STAT3: variants seen among roughly 807,000 people sequenced by gnomAD.
STAT3 encodes the protein DNA-binding protein APRF.
In STAT3, 7 loss-of-function variants were observed where a neutral mutation model predicts 114.3. The ratio of observed to expected loss-of-function variants is 0.06; its 90% confidence interval spans 0.03 to 0.11. The LOEUF is 0.11. STAT3 is among the 10% of genes least tolerant of loss of function. The pLI, the probability that STAT3 is intolerant of heterozygous loss-of-function variation, is 1.00. For missense variants in STAT3, 364 were observed against 960.9 expected, an observed-to-expected ratio of 0.38 and a Z score of 8.21; for synonymous variants, 331 against 354.5, an observed-to-expected ratio of 0.93 and a Z score of 0.74.
rs749830751 is a variant in STAT3 at position 42,323,631 on chromosome 17, G to T, written c.1601-6C>A. 6.3e-7 allele frequency: 1 copy of T among 1,588,840 alleles called. No homozygotes were observed. The highest frequency in any genetic ancestry group is 1.7e-5 in the Admixed American group (1 of 59,370). ...TGAATAATTCACACCAGGTCCTGAA[G>T]GAAAGAAAAAGAGTCAAGTAGTACA... On this transcript the variant is annotated splice_polypyrimidine_tract_variant and splice_region_variant and intron_variant, in intron 17 of 23. Transcript: ENST00000264657.
chr17:42,345,404 T>TC, intron 4 of STAT3, 155 bp downstream of exon 4: 1 of 650,464 alleles, frequency 1.5e-6, no homozygotes, highest in Non-Finnish European at 2.5e-6. Context: ...TGGAACTTTC[T>TC]TTTTTTTTAG....
intron 1 of STAT3, among the ~76,000 whole-genome samples, chr17:42,382,136 A>G (rs1346491765): frequency 1.3e-5 from 2 of 152,132 alleles, no homozygotes; most frequent in East Asian, 1.9e-4. Context: ...AAGAATTCCT[A>G]TTCATCCTAT....
intron 4 of STAT3, among the ~76,000 whole-genome samples, chr17:42,344,700 CAG>C (rs1044681517): frequency 6.9e-6 from 1 of 145,582 alleles, no homozygotes; most frequent in African/African-American, 2.6e-5. Context: ...GCCTGGACGA[CAG>C]AGAGAGACTC....
intron 1 of STAT3, among the ~76,000 whole-genome samples, chr17:42,371,796 A>G (rs2084160706): frequency 6.6e-6 from 1 of 151,974 alleles, no homozygotes; most frequent in Non-Finnish European, 1.5e-5. Flanking sequence ...AGCCTGGGTA[A>G]CACAGTGAAA....
chr17:42,330,833 T>C (rs2081981331), intron 11 of STAT3, among the ~76,000 whole-genome samples: 1 of 152,030 alleles, frequency 6.6e-6, no homozygotes, highest in South Asian at 2.1e-4. Flanking sequence ...TGTGGAACAA[T>C]TAAAAAAAAG....
In STAT3 at chr17:42,346,730, T is replaced by G; in HGVS notation, c.129-17A>C. 6.2e-7 allele frequency: 1 copy of G among 1,613,926 alleles called. No individual in the cohort carries two copies. On this transcript the variant is annotated splice_polypyrimidine_tract_variant and intron_variant, in intron 2 of 23. Coordinates refer to ENST00000264657, the MANE Select transcript of STAT3 (RefSeq NM_139276.3). Reference sequence around the variant, plus strand: ...GCATATGCCCTAGGAAAAGGAAGAATGATAAAGAATGGCTCTGAAGCCGAC... The same window carrying G: ...GCATATGCCCTAGGAAAAGGAAGAAGGATAAAGAATGGCTCTGAAGCCGAC...
chr17:42,349,883 C>G (rs1777137001), intron 1 of STAT3, among the ~76,000 whole-genome samples: 2 of 152,090 alleles, frequency 1.3e-5, no homozygotes, highest in South Asian at 4.1e-4. Context: ...TTGGAGAAAC[C>G]CTGTCTCTAC....
chr17:42,363,972 T>C (rs1196165597), intron 1 of STAT3, among the ~76,000 whole-genome samples: 1 of 152,136 alleles, frequency 6.6e-6, no homozygotes, highest in Non-Finnish European at 1.5e-5. Flanking sequence ...ACGGTACATA[T>C]ATAAGCATCT....
At chr17:42,318,852 A>G (rs911576518) in intron 21 of STAT3, among the ~76,000 whole-genome samples, 1 of 152,230 alleles carries the variant, frequency 6.6e-6, no homozygotes, top group African/African-American at 2.4e-5. Context: ...GGAGCTACTG[A>G]GGCAAGACTC....
Position 42,316,819 on chromosome 17 carries a change from C to T in STAT3, c.2227G>A (p.Gly743Ser). Residue 743 changes from glycine to serine, a missense_variant, in exon 23 of 24, where the codon GGT becomes AGT. By Grantham distance (56) the Gly-to-Ser change is moderately conservative. Transcript: ENST00000264657. ...TGCCCTCCTGCTGAGGGTTCAGCAC[C>T]TTCACCATTATTTCCAAACTGCATC... Reference protein sequence around the residue: ...SLMQFGNNGEGAEPSAGGQFE... With the variant: ...SLMQFGNNGESAEPSAGGQFE... The T allele has an allele frequency of 6.2e-7, 1 of 1,613,942 alleles. No individual in the cohort carries two copies. The highest frequency in any genetic ancestry group is 1.1e-5 in the South Asian group (1 of 91,040).
Position 42,313,659 on chromosome 17 carries a change from T to C in STAT3, c.*2086A>G, listed in dbSNP as rs1048908764. 4.3e-6 allele frequency: 1 copy of C among 231,982 alleles called. No individual in the cohort carries two copies. Among genetic ancestry groups the C allele is most frequent in the African/African-American group, 2.2e-5 (1 of 45,178 alleles). The allele number at this position is 231,982 out of a possible 1,614,324, so 14.4% of individuals were successfully genotyped here. The stretch of plus-strand genomic sequence containing the variant: ...TGCTACAATCAGAGTTAAGACCAGA[T>C]ACATGCTACCTAAGGCCATGAACTT... On this transcript the variant is annotated 3_prime_UTR_variant, in exon 24 of 24. Coordinates refer to ENST00000264657, the MANE Select transcript of STAT3 (RefSeq NM_139276.3).
intron 4 of STAT3, among the ~76,000 whole-genome samples, chr17:42,340,049 A>G (rs1048052967): frequency 3.9e-5 from 6 of 152,100 alleles, no homozygotes; most frequent in Non-Finnish European, 5.9e-5. Context: ...AATAAATAGC[A>G]TATGAAACTT....
At chr17:42,365,655 T>C (rs894007128) in intron 1 of STAT3, among the ~76,000 whole-genome samples, 8 of 151,274 alleles carry the variant, frequency 5.3e-5, no homozygotes, top group African/African-American at 1.9e-4. Flanking sequence ...TTTTTTTGTT[T>C]TTTTTTGTTT....
intron 1 of STAT3, among the ~76,000 whole-genome samples, chr17:42,371,858 C>T (rs2084164788): frequency 6.6e-6 from 1 of 151,448 alleles, no homozygotes; most frequent in Admixed American, 6.6e-5. Context: ...TGGCGTGCAC[C>T]TGTAATCCCA....
chr17:42,331,579 A>C (rs752476195), intron 10 of STAT3, 48 bp from the exon 11 acceptor site: 1 of 1,453,800 alleles, frequency 6.9e-7, no homozygotes, highest in Admixed American at 1.7e-5. Context: ...TAACTCTCCC[A>C]TAACCTTTTC....
chr17:42,360,810 C>A (rs1156596607), intron 1 of STAT3, among the ~76,000 whole-genome samples: 2 of 152,090 alleles, frequency 1.3e-5, no homozygotes, highest in African/African-American at 4.8e-5. Context: ...TATTCTAATT[C>A]TGTGTATCAA....
Position 42,314,350 on chromosome 17 carries a change from T to C in STAT3, c.*1395A>G, listed in dbSNP as rs1598375607. The C allele has an allele frequency of 8.6e-6, 2 of 233,184 alleles. No homozygotes were observed. The highest frequency in any genetic ancestry group is 1.7e-5 in the Non-Finnish European group (2 of 117,734). 14.4% of individuals were successfully genotyped at this position (233,184 alleles called of 1,614,324 possible). A position where few individuals can be genotyped will look rare whatever the true frequency, so the allele number is the denominator to read the frequency against. Reference sequence around the variant, plus strand: ...CTGGGGCCCCATAGTGTGCATCATGTCCAACCTGTAACTCTCTCCCCCTCT... The same window carrying C: ...CTGGGGCCCCATAGTGTGCATCATGCCCAACCTGTAACTCTCTCCCCCTCT... On this transcript the variant is annotated 3_prime_UTR_variant, in exon 24 of 24. Coordinates refer to ENST00000264657, the MANE Select transcript of STAT3 (RefSeq NM_139276.3).
At chr17:42,358,032 T>A (rs2083311241) in intron 1 of STAT3, among the ~76,000 whole-genome samples, 1 of 152,136 alleles carries the variant, frequency 6.6e-6, no homozygotes, top group Non-Finnish European at 1.5e-5. Context: ...TAAAAACCAA[T>A]GACGATCAAG....
chr17:42,358,878 G>A (rs2083361715), intron 1 of STAT3, among the ~76,000 whole-genome samples: 1 of 150,988 alleles, frequency 6.6e-6, no homozygotes, highest in African/African-American at 2.4e-5. Flanking sequence ...CAGATCCTCA[G>A]AGCTGCAGTT....
Sources: allele counts gnomAD v4.1 joint callset (sites outside exome capture counted in the v4.1 genomes callset), GRCh38; gene constraint gnomAD v4.1.1; transcripts MANE v1.5; gene names NCBI Gene and HGNC (gene_info 2026-07-23, HGNC 2026-07-21).